AASS: variants seen among roughly 807,000 people sequenced by gnomAD.
The protein encoded by AASS is aminoadipate-semialdehyde synthase, also known as alpha-aminoadipic semialdehyde synthase, mitochondrial.
AASS carries 86 observed loss-of-function variants against 105.4 expected under a neutral mutation model. The observed-to-expected ratio is 0.82, with a 90% confidence interval of 0.69 to 0.98. The LOEUF is 0.98. Among genes scored for constraint, AASS ranks in the 50% least tolerant of loss-of-function variants. AASS has a pLI of 0.00. For missense variants in AASS, 1,048 were observed against 1,143.2 expected (o/e 0.92, Z 1.20); for synonymous variants, 381 against 394.8 (o/e 0.96, Z 0.41).
intron 19 of AASS, among the ~76,000 whole-genome samples, chr7:122,083,699 T>C (rs1793487635): frequency 6.6e-6 from 1 of 152,032 alleles, no homozygotes; most frequent in Admixed American, 6.6e-5. Flanking sequence ...GGAACTCACA[T>C]AGATGGGGCT....
Position 122,118,642 on chromosome 7 carries a change from T to A in AASS, c.473-12A>T. On this transcript the variant is annotated splice_polypyrimidine_tract_variant and intron_variant, in intron 4 of 23. Transcript: ENST00000417368. ...AATGTTGATCATTCCTGTTACAGAA[T>A]CAGACCAATAGAAAGACTATTAGTT... 1 of 1,612,910 alleles carries A rather than the reference T, an allele frequency of 6.2e-7. No homozygotes were observed. Among genetic ancestry groups the A allele is most frequent in the South Asian group, 1.1e-5 (1 of 91,000 alleles).
chr7:122,080,849 T>A (rs1793281213), intron 20 of AASS, among the ~76,000 whole-genome samples: 1 of 152,180 alleles, frequency 6.6e-6, no homozygotes, highest in Non-Finnish European at 1.5e-5. Flanking sequence ...TTGGTCCTTT[T>A]CTCCTTGTGA....
At chr7:122,133,382 G>A (rs1795996015) in intron 2 of AASS, 135 bp downstream of exon 2, 2 of 1,005,554 alleles carry the variant, frequency 2.0e-6, no homozygotes, top group South Asian at 1.4e-5. Flanking sequence ...GTAAGCATAG[G>A]GTGAAAATAA....
chr7:122,095,608 T>C (rs1179243245), intron 15 of AASS, among the ~76,000 whole-genome samples: 1 of 151,932 alleles, frequency 6.6e-6, no homozygotes, highest in Non-Finnish European at 1.5e-5. Context: ...TAAAACCACT[T>C]TTCAGGCATT....
Position 122,101,294 on chromosome 7 carries a change from T to C in AASS, c.1406+77A>G, listed in dbSNP as rs996979659. Reference sequence around the variant, plus strand: ...ACAAACCTAATATTAAGAACTCCCATTGAAGCATTAAAAAATACTCATGAA... The same window carrying C: ...ACAAACCTAATATTAAGAACTCCCACTGAAGCATTAAAAAATACTCATGAA... On this transcript the variant is annotated intron_variant, in intron 13 of 23. Transcript: ENST00000417368. The C allele has an allele frequency of 6.9e-6, 8 of 1,152,516 alleles. 1 individual carries two copies. Among genetic ancestry groups the C allele is most frequent in the East Asian group, 2.4e-5 (1 of 42,380 alleles). 71.4% of individuals were successfully genotyped at this position (1,152,516 alleles called of 1,614,324 possible).
intron 1 of AASS, among the ~76,000 whole-genome samples, chr7:122,139,413 T>C (rs1047777305): frequency 6.6e-6 from 1 of 152,192 alleles, no homozygotes; most frequent in Non-Finnish European, 1.5e-5. Context: ...TATATCCAAA[T>C]ATTAGAGTCA....
intron 4 of AASS, among the ~76,000 whole-genome samples, chr7:122,125,608 G>C (rs1172063243): frequency 6.6e-6 from 1 of 152,142 alleles, no homozygotes; most frequent in Non-Finnish European, 1.5e-5. Context: ...TTTTAAAAGA[G>C]GCAAAGGTAG....
intron 4 of AASS, 41 bp downstream of exon 4, chr7:122,126,334 C>A: frequency 6.4e-7 from 1 of 1,564,366 alleles, no homozygotes; most frequent in Non-Finnish European, 8.8e-7. Flanking sequence ...ATTCCCCAAG[C>A]CAATTTAGGA....
At chr7:122,082,341 C>T (rs1361137376) in intron 19 of AASS, among the ~76,000 whole-genome samples, 3 of 152,172 alleles carry the variant, frequency 2.0e-5, no homozygotes, top group African/African-American at 7.2e-5. Context: ...ACCAGGGCCT[C>T]TGTACATGCT....
chr7:122,092,986 G>A (rs1425413718), intron 16 of AASS, 35 bp from the exon 17 acceptor site: 2 of 1,611,164 alleles, frequency 1.2e-6, no homozygotes, highest in Admixed American at 3.3e-5. Flanking sequence ...AGGAAAACTT[G>A]GATATAAAAT....
intron 17 of AASS, among the ~76,000 whole-genome samples, 191 bp from the exon 18 acceptor site, chr7:122,092,034 TG>T (rs1793928566): frequency 6.6e-6 from 1 of 152,116 alleles, no homozygotes; most frequent in African/African-American, 2.4e-5. Flanking sequence ...TTTATATATA[TG>T]TTTTTTTAAA....
Position 122,126,376 on chromosome 7 carries a change from T to C in AASS, c.471A>G (p.Ala157=). 1 of 1,613,808 alleles carries C rather than the reference T, an allele frequency of 6.2e-7. No individual in the cohort carries two copies. The highest frequency in any genetic ancestry group is 8.5e-7 in the Non-Finnish European group (1 of 1,179,728). ...TGATGTAAGCCCTGGCATACTTACC[T>C]GCCACACCAGCCCACTGTCCAAATG... ...VVAFGQWAGV[A]GMINILHGMG... is the part of the protein sequence containing the mutation. The change falls in exon 4 of 24, where the codon GCA becomes GCG. Residue 157 remains alanine, a splice_region_variant and synonymous_variant. Coordinates refer to ENST00000417368, the MANE Select transcript of AASS (RefSeq NM_005763.4).
intron 20 of AASS, among the ~76,000 whole-genome samples, chr7:122,080,589 T>G (rs1357490462): frequency 6.6e-6 from 1 of 151,930 alleles, no homozygotes; most frequent in Admixed American, 6.6e-5. Flanking sequence ...GGTTCACAAA[T>G]GCACACAAAA....
At chr7:122,116,991 C>A in intron 6 of AASS, 34 bp from the exon 7 acceptor site, 1 of 1,581,780 alleles carries the variant, frequency 6.3e-7, no homozygotes, top group South Asian at 1.1e-5. Context: ...ATCCAAAAAT[C>A]AATAGAAAAA....
In AASS at chr7:122,075,251, C is replaced by A. The variant is rs936183845; in HGVS notation, c.*1238G>T. Among the ~76,000 whole-genome samples, 2 of 152,174 alleles carry A rather than the reference C, an allele frequency of 1.3e-5. No homozygotes were observed. Among genetic ancestry groups the A allele is most frequent in the African/African-American group, 4.8e-5 (2 of 41,440 alleles). On this transcript the variant is annotated 3_prime_UTR_variant, in exon 24 of 24. Transcript: ENST00000417368. ...TACTATATTGAAAGATAACCAATTT[C>A]TGCATATTTAATCCTGTATCCTGTA...
chr7:122,090,807 C>CTT (rs1793861250), intron 18 of AASS, among the ~76,000 whole-genome samples: 1 of 152,056 alleles, frequency 6.6e-6, no homozygotes, highest in Admixed American at 6.6e-5. Context: ...ATCTTAACTC[C>CTT]CTAAACCTGA....
intron 1 of AASS, among the ~76,000 whole-genome samples, chr7:122,135,254 C>T (rs1368173660): frequency 7.0e-6 from 1 of 142,514 alleles, no homozygotes; most frequent in African/African-American, 2.8e-5. Flanking sequence ...GCACATGTAC[C>T]CTAGAACTTA....
chr7:122,113,923 C>CAAAAAAAA (rs776611119), intron 9 of AASS, among the ~76,000 whole-genome samples: 3 of 56,038 alleles, frequency 5.4e-5, no homozygotes, highest in Non-Finnish European at 1.1e-4. Flanking sequence ...TTTTAGTCTC[C>CAAAAAAAA]AAAAAAAAAA....
intron 18 of AASS, 61 bp from the exon 19 acceptor site, chr7:122,086,240 C>T: frequency 6.7e-7 from 1 of 1,496,386 alleles, no homozygotes; most frequent in Non-Finnish European, 9.2e-7. Context: ...TAGGGCTTAT[C>T]TGCATTATAC....
Sources: gnomAD v4.1 joint callset for allele counts (sites outside exome capture counted in the v4.1 genomes callset) on GRCh38, gnomAD v4.1.1 for gene constraint, MANE v1.5 for transcripts, NCBI Gene and HGNC (gene_info 2026-07-23, HGNC 2026-07-21) for gene names.